The following GPHN variants were observed in gnomAD, a reference collection of about 807,000 sequenced individuals.
The protein encoded by GPHN is gephyrin.
Under a neutral mutation model 95.5 loss-of-function variants are expected in GPHN, and 17 were observed. That is an observed-to-expected ratio of 0.18 (90% CI 0.12 to 0.27). The LOEUF is 0.27. Ranked by LOEUF, GPHN falls within the 10% of genes least tolerant of loss-of-function variation. The pLI is 1.00. For missense variants in GPHN, 660 were observed against 978.1 expected (o/e 0.67, Z 4.34); for synonymous variants, 320 against 322.5 (o/e 0.99, Z 0.08).
chr14:66,857,218 G>A (rs1414543046), intron 4 of GPHN, among the ~76,000 whole-genome samples: 1 of 151,978 alleles, frequency 6.6e-6, no homozygotes, highest in Non-Finnish European at 1.5e-5. Flanking sequence ...AAGGTCCAAA[G>A]TACATTATAT....
At chr14:66,604,349 AATTGAAAAATATACT>A (rs2062406760) in intron 1 of GPHN, among the ~76,000 whole-genome samples, 1 of 152,134 alleles carries the variant, frequency 6.6e-6, no homozygotes, top group African/African-American at 2.4e-5. Flanking sequence ...TCTTAACAAA[AATTGAAAAATATACT>A]ATATAGAATA....
At chr14:67,341,488 A>C in the GPHN span, among the ~76,000 whole-genome samples, 4 of 151,098 alleles carry the variant, frequency 2.6e-5, no homozygotes, top group African/African-American at 7.3e-5. Context: ...CGGCCCGGCC[A>C]GCCGCCCCGT....
chr14:66,695,197 A>G (rs1316493445), intron 2 of GPHN, among the ~76,000 whole-genome samples: 1 of 151,902 alleles, frequency 6.6e-6, no homozygotes, highest in Non-Finnish European at 1.5e-5. Context: ...ATAAAAATAA[A>G]CTCTATTGAA....
the GPHN span, chr14:67,735,228 G>C: frequency 6.9e-7 from 1 of 1,447,532 alleles, no homozygotes. Context: ...TGGTGTTCAG[G>C]TGCTCCCACG....
chr14:67,341,562 G>T, the GPHN span, among the ~76,000 whole-genome samples: 6 of 149,550 alleles, frequency 4.0e-5, no homozygotes, highest in Admixed American at 1.3e-4. Context: ...GGAGGGAGGT[G>T]GGGGGGTCAG....
the GPHN span, among the ~76,000 whole-genome samples, chr14:67,484,305 T>C: frequency 6.6e-6 from 1 of 152,200 alleles, no homozygotes; most frequent in Admixed American, 6.5e-5. Context: ...ACTTGTGGAA[T>C]GAATGGATGG....
intron 17 of GPHN, among the ~76,000 whole-genome samples, chr14:67,134,854 TTC>T (rs2079948174): frequency 6.6e-6 from 1 of 151,318 alleles, no homozygotes; most frequent in South Asian, 2.1e-4. Context: ...TTCTTTCTCT[TTC>T]TCTTTCTTTT....
Position 66,644,328 on chromosome 14 carries a change from C to CT in GPHN, c.65-36773dup, listed in dbSNP as rs2153356613. Among the ~76,000 whole-genome samples the CT allele has an allele frequency of 2.0e-5, 3 of 152,068 alleles. 1 individual carries two copies. In the South Asian group the frequency reaches 6.2e-4, roughly 32 times the overall value. On this transcript the variant is annotated intron_variant, in intron 1 of 22. Transcript: ENST00000478722. ...TAACATAAACCAGTGGTTTAGTATG[C>CT]TTTTTTAGATACTGATGATGCTTTG... is the stretch of plus-strand genomic sequence containing the variant.
intron 8 of GPHN, among the ~76,000 whole-genome samples, chr14:66,964,981 GTT>G (rs1320675018): frequency 6.6e-6 from 1 of 152,090 alleles, no homozygotes; most frequent in African/African-American, 2.4e-5. Context: ...ATATTAAAAA[GTT>G]TTATGAAATG....
intron 17 of GPHN, among the ~76,000 whole-genome samples, chr14:67,140,445 G>C (rs923665033): frequency 2.0e-5 from 3 of 151,682 alleles, no homozygotes; most frequent in Non-Finnish European, 2.9e-5. Flanking sequence ...TAATCAGCTA[G>C]GCTCCAGAAC....
At chr14:67,529,217 T>C in the GPHN span, among the ~76,000 whole-genome samples, 1 of 152,018 alleles carries the variant, frequency 6.6e-6, no homozygotes, top group Non-Finnish European at 1.5e-5. Context: ...TTCCCTCCCC[T>C]CCCCATCCGC....
At chr14:67,348,917 T>C in the GPHN span, 1 of 924,466 alleles carries the variant, frequency 1.1e-6, no homozygotes, top group South Asian at 1.7e-5. Flanking sequence ...GTAAAGCCAA[T>C]CAACTTGTTC....
At chr14:67,199,526 G>A in the GPHN span, 266 of 1,611,448 alleles carry the variant, frequency 1.7e-4, 3 homozygotes, top group South Asian at 1.1e-3. Context: ...TGATGCTTCA[G>A]TTGCAGCAAT....
At chr14:67,350,238 A>AT in the GPHN span, among the ~76,000 whole-genome samples, 2 of 152,208 alleles carry the variant, frequency 1.3e-5, no homozygotes, top group South Asian at 2.1e-4. Context: ...ATGTGTAAAA[A>AT]TGTTCACTGC....
intron 2 of GPHN, among the ~76,000 whole-genome samples, chr14:66,762,978 G>A (rs2058814738): frequency 6.6e-6 from 1 of 152,028 alleles, no homozygotes; most frequent in Non-Finnish European, 1.5e-5. Context: ...TGGTCTTTAA[G>A]TCATAGATTA....
chr14:67,417,519 C>A, the GPHN span, among the ~76,000 whole-genome samples: 5 of 151,806 alleles, frequency 3.3e-5, no homozygotes, highest in Non-Finnish European at 7.4e-5. Context: ...GCAGCCTCCA[C>A]CTCCCAGGTA....
intron 2 of GPHN, among the ~76,000 whole-genome samples, chr14:66,708,082 G>T (rs1264482432): frequency 6.6e-6 from 1 of 152,066 alleles, no homozygotes; most frequent in African/African-American, 2.4e-5. Flanking sequence ...TTTAAAACAT[G>T]CACCCAAGTT....
At chr14:66,923,628 C>G (rs1426342860) in intron 7 of GPHN, among the ~76,000 whole-genome samples, 2 of 152,002 alleles carry the variant, frequency 1.3e-5, no homozygotes, top group Non-Finnish European at 1.5e-5. Flanking sequence ...TTCTTCATAC[C>G]TACTAAAGTC....
At chr14:67,555,404 C>T in the GPHN span, among the ~76,000 whole-genome samples, 1 of 152,280 alleles carries the variant, frequency 6.6e-6, no homozygotes, top group African/African-American at 2.4e-5. Context: ...TGTTTTCTAT[C>T]GATGACACAG....
Sources: gnomAD v4.1 joint callset for allele counts (sites outside exome capture counted in the v4.1 genomes callset) on GRCh38, gnomAD v4.1.1 for gene constraint, MANE v1.5 for transcripts, NCBI Gene and HGNC (gene_info 2026-07-23, HGNC 2026-07-21) for gene names.